The following SEC24B variants were observed in gnomAD, a reference collection of about 807,000 sequenced individuals.
The protein encoded by SEC24B is protein transport protein Sec24B.
Under a neutral mutation model 142.8 loss-of-function variants are expected in SEC24B, and 45 were observed. The ratio of observed to expected loss-of-function variants is 0.32; its 90% CI spans 0.25 to 0.40. SEC24B has a LOEUF of 0.40. Ranked by LOEUF, SEC24B falls within the 10% of genes least tolerant of loss-of-function variation. SEC24B has a pLI of 1.00. For missense variants in SEC24B, 1,409 were observed against 1,526.8 expected (o/e 0.92, Z 1.29); for synonymous variants, 574 against 568.2 (o/e 1.01, Z -0.15).
intron 1 of SEC24B, among the ~76,000 whole-genome samples, chr4:109,438,686 C>G (rs1409604861): frequency 6.6e-6 from 1 of 152,210 alleles, no homozygotes; most frequent in Non-Finnish European, 1.5e-5. Context: ...AAAACCTAGT[C>G]TTCATGATCA....
chr4:109,469,262 G>A (rs528477535), intron 2 of SEC24B, among the ~76,000 whole-genome samples: 2 of 152,292 alleles, frequency 1.3e-5, no homozygotes, highest in South Asian at 4.1e-4. Flanking sequence ...TTCCCTTTGT[G>A]AAAGGAGCAG....
At chr4:109,538,901 C>CA (rs1725856527) in intron 23 of SEC24B, among the ~76,000 whole-genome samples, 1 of 152,128 alleles carries the variant, frequency 6.6e-6, no homozygotes, top group South Asian at 2.1e-4. Flanking sequence ...CCTCCCAACT[C>CA]AGACTCCCGA....
chr4:109,454,915 C>A (rs1730505425), intron 1 of SEC24B, among the ~76,000 whole-genome samples: 1 of 152,218 alleles, frequency 6.6e-6, no homozygotes, highest in African/African-American at 2.4e-5. Flanking sequence ...CAAGAAGAAT[C>A]TAAACAGATA....
intron 13 of SEC24B, 98 bp from the exon 14 acceptor site, chr4:109,521,322 C>A: frequency 8.7e-7 from 1 of 1,142,938 alleles, no homozygotes. Context: ...TTCCAGTCCC[C>A]AGAAATACAG....
At chr4:109,460,767 TATATTA>T (rs1208969749) in intron 1 of SEC24B, among the ~76,000 whole-genome samples, 5 of 150,610 alleles carry the variant, frequency 3.3e-5, no homozygotes, top group South Asian at 2.1e-4. Flanking sequence ...AATATATTAA[TATATTA>T]ATATTAATAA....
chr4:109,513,431 A>C (rs1220385534), intron 9 of SEC24B, among the ~76,000 whole-genome samples: 1 of 151,106 alleles, frequency 6.6e-6, no homozygotes, highest in East Asian at 2.0e-4. Context: ...TTACAGGCGC[A>C]CACCACTATG....
At chr4:109,445,063 A>G (rs1426432368) in intron 1 of SEC24B, among the ~76,000 whole-genome samples, 1 of 152,024 alleles carries the variant, frequency 6.6e-6, no homozygotes, top group Non-Finnish European at 1.5e-5. Flanking sequence ...AGCTGGGACT[A>G]CAGGTGTGCG....
At chr4:109,482,979 T>TATATATATATACAC (rs781527364) in intron 4 of SEC24B, among the ~76,000 whole-genome samples, 3 of 26,414 alleles carry the variant, frequency 1.1e-4, no homozygotes, top group Admixed American at 7.3e-4. Flanking sequence ...TATATATATA[T>TATATATATATACAC]ACACACACAC....
At chr4:109,437,149 A>G (rs1211722853) in intron 1 of SEC24B, among the ~76,000 whole-genome samples, 1 of 152,208 alleles carries the variant, frequency 6.6e-6, no homozygotes, top group Admixed American at 6.5e-5. Context: ...AACTTCAGGT[A>G]GGTAGTGTCA....
chr4:109,528,070 AG>A (rs1724457032), intron 18 of SEC24B, among the ~76,000 whole-genome samples: 2 of 152,164 alleles, frequency 1.3e-5, no homozygotes, highest in South Asian at 4.1e-4. Context: ...TGCCTCTCAA[AG>A]ACATTGTGCT....
chr4:109,481,544 C>T (rs1733735686), intron 3 of SEC24B, 133 bp from the exon 4 acceptor site: 2 of 628,388 alleles, frequency 3.2e-6, no homozygotes, highest in Non-Finnish European at 5.6e-6. Context: ...AATGAATTTG[C>T]TAATATTAAT....
At position 109,477,010 on chromosome 4, in the gene SEC24B, G is replaced by A. The variant is rs367757818; in HGVS notation, c.1060+3824G>A. 5.7e-3 allele frequency among the ~76,000 whole-genome samples: 862 copies of A among 150,606 alleles called. 4 individuals carry two copies. The highest frequency in any genetic ancestry group is 0.019 in the East Asian group (96 of 5,118). On this transcript the variant is annotated intron_variant, in intron 3 of 23. Coordinates refer to ENST00000265175, the MANE Select transcript of SEC24B (RefSeq NM_006323.5). ...AAATTAGCCGGGCGTAGTGGCGGGCGCCTGTAGTCCCAGCTACTTGGGAGG... is the reference window on the plus strand; with the variant it reads ...AAATTAGCCGGGCGTAGTGGCGGGCACCTGTAGTCCCAGCTACTTGGGAGG...
chr4:109,478,952 G>A lies in SEC24B; in HGVS notation c.1061-2725G>A, dbSNP rs114884048. On this transcript the variant is annotated intron_variant, in intron 3 of 23. Transcript: ENST00000265175. The stretch of plus-strand genomic sequence containing the variant: ...CCTAGTTTCCAGTTTAGGAAAGAGA[G>A]CAGTTACTCAAAAGTCTGAACTCCT... Among the ~76,000 whole-genome samples the A allele has an allele frequency of 3.4e-3, 511 of 152,244 alleles. 2 individuals are homozygous for A. Among genetic ancestry groups the A allele is most frequent in the Non-Finnish European group, 5.7e-3 (390 of 68,010 alleles).
At chr4:109,527,655 G>A (rs1384021012) in intron 18 of SEC24B, among the ~76,000 whole-genome samples, 4 of 151,784 alleles carry the variant, frequency 2.6e-5, no homozygotes, top group East Asian at 1.9e-4. Flanking sequence ...GCCTGTAATC[G>A]CAGCTTCTCA....
Position 109,510,780 on chromosome 4 carries a change from A to C in SEC24B, c.1776+669A>C, listed in dbSNP as rs116479822. Among the ~76,000 whole-genome samples the C allele has an allele frequency of 6.6e-3, 1,009 of 152,250 alleles. 13 individuals carry two copies. The highest frequency in any genetic ancestry group is 0.023 in the African/African-American group (958 of 41,558). On this transcript the variant is annotated intron_variant, in intron 8 of 23. Transcript: ENST00000265175. Reference sequence around the variant, plus strand: ...TTCAGGGCTGTTTTATTTGTACTTCATAAGTTGCATTTCTGTCTCAAACTT... The same window carrying C: ...TTCAGGGCTGTTTTATTTGTACTTCCTAAGTTGCATTTCTGTCTCAAACTT...
intron 1 of SEC24B, among the ~76,000 whole-genome samples, chr4:109,449,692 C>G (rs923334788): frequency 6.6e-6 from 1 of 152,000 alleles, no homozygotes; most frequent in Non-Finnish European, 1.5e-5. Context: ...TATAAGGGCA[C>G]TCCTTCTCTC....
intron 3 of SEC24B, among the ~76,000 whole-genome samples, chr4:109,476,446 T>C (rs1733150336): frequency 6.7e-6 from 1 of 150,040 alleles, no homozygotes; most frequent in Admixed American, 6.6e-5. Context: ...CTGAGTTGAA[T>C]ATGATTCATT....
chr4:109,440,501 C>G (rs970950571), intron 1 of SEC24B, among the ~76,000 whole-genome samples: 7 of 152,196 alleles, frequency 4.6e-5, no homozygotes, highest in African/African-American at 1.4e-4. Context: ...TGAGCATACT[C>G]AGAATTGTCC....
chr4:109,487,437 A>G (rs1734490627), intron 4 of SEC24B, among the ~76,000 whole-genome samples: 1 of 152,210 alleles, frequency 6.6e-6, no homozygotes, highest in African/African-American at 2.4e-5. Context: ...GTAAAGGGAC[A>G]GGTGAGAGAT....
Sources: gnomAD v4.1 joint callset for allele counts (sites outside exome capture counted in the v4.1 genomes callset) on GRCh38, gnomAD v4.1.1 for gene constraint, MANE v1.5 for transcripts, NCBI Gene and HGNC (gene_info 2026-07-23, HGNC 2026-07-21) for gene names.